Variants in DRAXIN observed in about 807,000 individuals in gnomAD.
The protein encoded by DRAXIN is dorsal inhibitory axon guidance protein, also known as dorsal repulsive axon guidance protein.
A neutral mutation model predicts 33.9 loss-of-function variants in DRAXIN; 27 were observed. That is an observed-to-expected ratio of 0.80 (90% CI 0.59 to 1.10). The LOEUF (loss-of-function observed/expected upper bound fraction) is 1.10. Among genes scored for constraint, DRAXIN ranks in the 50% least tolerant of loss-of-function variants. The pLI is 0.00. For synonymous variants in DRAXIN, 178 were observed against 194.0 expected, an observed-to-expected ratio of 0.92 and a Z score of 0.69; for missense variants, 371 against 460.8, an observed-to-expected ratio of 0.81 and a Z score of 1.78.
At chr1:11,686,678 C>T in the DRAXIN span, among the ~76,000 whole-genome samples, 12 of 152,140 alleles carry the variant, frequency 7.9e-5, no homozygotes, top group Non-Finnish European at 1.5e-5. Context: ...GTTGGGATTA[C>T]AGGCTTGAGC....
chr1:11,707,105 G>T (rs1185178465), intron 2 of DRAXIN, among the ~76,000 whole-genome samples: 2 of 152,198 alleles, frequency 1.3e-5, no homozygotes, highest in African/African-American at 4.8e-5. Context: ...GAAGGCTGAG[G>T]CAGGAGAATG....
chr1:11,715,695 G>A (rs1641566636), intron 6 of DRAXIN, among the ~76,000 whole-genome samples: 1 of 152,148 alleles, frequency 6.6e-6, no homozygotes, highest in East Asian at 1.9e-4. Context: ...ACTCCTCCGT[G>A]CCCCCACCTC....
intron 6 of DRAXIN, among the ~76,000 whole-genome samples, chr1:11,718,843 G>A (rs893397062): frequency 2.0e-5 from 3 of 152,132 alleles, no homozygotes; most frequent in Non-Finnish European, 2.9e-5. Flanking sequence ...GCCCCTGCAT[G>A]CAGTTTCTCC....
chr1:11,702,105 G>C (rs74443726), intron 1 of DRAXIN, among the ~76,000 whole-genome samples: 1 of 93,004 alleles, frequency 1.1e-5, no homozygotes, highest in Non-Finnish European at 2.1e-5. Context: ...TCTCACACAC[G>C]CGAGTTCACA....
chr1:11,688,899 C>T (rs181862780), upstream of DRAXIN, among the ~76,000 whole-genome samples: 38 of 152,314 alleles, frequency 2.5e-4, no homozygotes, highest in Admixed American at 2.0e-3. This position sits in a 1 kb window ranked among gnomAD's most constrained non-coding sequence, Gnocchi z 4.6. Context: ...AAGATGGCCA[C>T]GAGACCAACC....
intron 1 of DRAXIN, among the ~76,000 whole-genome samples, chr1:11,703,148 T>C (rs139533586): frequency 1.1e-4 from 17 of 152,368 alleles, no homozygotes; most frequent in African/African-American, 4.1e-4. Flanking sequence ...GAAGGGAATG[T>C]GCAGAGTCCT....
intron 6 of DRAXIN, among the ~76,000 whole-genome samples, chr1:11,715,721 GCT>G (rs1641567225): frequency 6.6e-6 from 1 of 152,150 alleles, no homozygotes; most frequent in African/African-American, 2.4e-5. Context: ...AGTGTGCTGG[GCT>G]CTGTGCTGAG....
chr1:11,702,747 C>CTTTTTTTTTTTTTTTTTT (rs33972819), intron 1 of DRAXIN, among the ~76,000 whole-genome samples: 1 of 145,552 alleles, frequency 6.9e-6, no homozygotes. Context: ...GGTATGAATT[C>CTTTTTTTTTTTTTTTTTT]TTTTTTTTTT....
At chr1:11,701,050 A>T (rs1641266343) in intron 1 of DRAXIN, among the ~76,000 whole-genome samples, 1 of 152,162 alleles carries the variant, frequency 6.6e-6, no homozygotes, top group Non-Finnish European at 1.5e-5. Flanking sequence ...GCATACGGCG[A>T]TGCTGACAGC....
At chr1:11,719,454 T>A (rs1231487665) in intron 6 of DRAXIN, 130 bp from the exon 7 acceptor site, 2 of 740,630 alleles carry the variant, frequency 2.7e-6, no homozygotes. Flanking sequence ...GGGGCTGCCG[T>A]GAGGAAGCTG....
At chr1:11,716,669 A>AAATTT (rs780959844) in intron 6 of DRAXIN, among the ~76,000 whole-genome samples, 1 of 152,054 alleles carries the variant, frequency 6.6e-6, no homozygotes, top group Non-Finnish European at 1.5e-5. Flanking sequence ...GTGGACTTTT[A>AAATTT]AATTTAATTT....
At chr1:11,701,974 C>T (rs1465829039) in intron 1 of DRAXIN, among the ~76,000 whole-genome samples, 2 of 152,106 alleles carry the variant, frequency 1.3e-5, no homozygotes, top group Non-Finnish European at 2.9e-5. Context: ...GAGAGGGGCC[C>T]GTGTAGTCTT....
At chr1:11,700,763 G>C (rs1341187111) in intron 1 of DRAXIN, among the ~76,000 whole-genome samples, 1 of 152,188 alleles carries the variant, frequency 6.6e-6, no homozygotes, top group Non-Finnish European at 1.5e-5. Flanking sequence ...CATCTGAGCA[G>C]CACTGATATC....
intron 1 of DRAXIN, among the ~76,000 whole-genome samples, chr1:11,698,512 T>G (rs1337065878): frequency 6.6e-6 from 1 of 152,178 alleles, no homozygotes; most frequent in Non-Finnish European, 1.5e-5. Flanking sequence ...AGTGTCCATG[T>G]GAGTGATGAG....
At chr1:11,702,684 C>G (rs1252052511) in intron 1 of DRAXIN, among the ~76,000 whole-genome samples, 1 of 151,838 alleles carries the variant, frequency 6.6e-6, no homozygotes, top group African/African-American at 2.4e-5. Context: ...ATGCCAGATG[C>G]TCACACACAC....
In DRAXIN at chr1:11,709,419, C is replaced by T; in HGVS notation, c.596C>T (p.Ala199Val). The T allele has an allele frequency of 1.2e-6, 2 of 1,614,060 alleles. No homozygotes were observed. The highest frequency in any genetic ancestry group is 1.1e-5 in the South Asian group (1 of 91,038). Reference sequence around the variant, plus strand: ...CTCACCACCTTTGAGGCAGCACCTGCCACAGAAGAGTCCCTGATCCTGCCC... The same window carrying T: ...CTCACCACCTTTGAGGCAGCACCTGTCACAGAAGAGTCCCTGATCCTGCCC... The part of the protein sequence containing the change: ...FFLTTFEAAP[A>V]TEESLILPVT... Residue 199 changes from alanine (A) to valine (V), a missense_variant, in exon 3 of 7, where the codon GCC (alanine) becomes GTC (valine). Coordinates refer to ENST00000294485, the MANE Select transcript of DRAXIN (RefSeq NM_198545.4).
intron 5 of DRAXIN, 150 bp downstream of exon 5, chr1:11,712,579 T>C (rs1033711997): frequency 1.3e-6 from 1 of 768,654 alleles, no homozygotes; most frequent in African/African-American, 1.7e-5. Context: ...TTCCTGAGAG[T>C]TGCTGTCAGA....
chr1:11,711,569 G>T (rs537609968), intron 3 of DRAXIN, among the ~76,000 whole-genome samples: 1 of 152,336 alleles, frequency 6.6e-6, no homozygotes, highest in African/African-American at 2.4e-5. Flanking sequence ...GCCTGCAGGT[G>T]GTCTCTGCCC....
Position 11,705,212 on chromosome 1 carries a change from T to C in DRAXIN, c.-10-1037T>C, listed in dbSNP as rs1641359709. Among the ~76,000 whole-genome samples, 1 of 152,156 alleles carries C rather than the reference T, an allele frequency of 6.6e-6. No individual in the cohort carries two copies. The highest frequency in any genetic ancestry group is 1.5e-5 in the Non-Finnish European group (1 of 68,012). ...GGAGGCCATAAAAATTCAATTAGCC[T>C]GGCTAACCTAGTGCCTAGCTCCAGG... On this transcript the variant is annotated intron_variant, in intron 1 of 6. Coordinates refer to ENST00000294485, the MANE Select transcript of DRAXIN (RefSeq NM_198545.4). This position sits in a 1 kb window ranked among gnomAD's most constrained non-coding sequence, Gnocchi z 4.8.
Sources: allele counts gnomAD v4.1 joint callset (sites outside exome capture counted in the v4.1 genomes callset), GRCh38; gene constraint gnomAD v4.1.1; non-coding constraint Gnocchi (gnomAD v3.1); transcripts MANE v1.5; gene names NCBI Gene and HGNC (gene_info 2026-07-23, HGNC 2026-07-21).